The following TRPC6 variants were observed in gnomAD, a reference collection of about 807,000 sequenced individuals.
TRPC6 encodes transient receptor potential cation channel subfamily C member 6.
In TRPC6, 55 loss-of-function variants were observed where a neutral mutation model predicts 90.7. The ratio of observed to expected loss-of-function variants is 0.61; its 90% CI spans 0.49 to 0.76. The LOEUF is 0.76. TRPC6 is among the 30% of genes least tolerant of loss of function. The pLI, the probability that TRPC6 is intolerant of heterozygous loss-of-function variation, is 0.00. For synonymous variants in TRPC6, 393 were observed against 393.0 expected (o/e 1.00, Z 0.00); for missense variants, 989 against 1,122.7 (o/e 0.88, Z 1.70).
intron 1 of TRPC6, among the ~76,000 whole-genome samples, chr11:101,509,281 T>A (rs768847176): frequency 1.3e-4 from 20 of 152,080 alleles, no homozygotes; most frequent in Non-Finnish European, 2.2e-4. Context: ...GTATTTTTTT[T>A]ATAGATGGGG....
chr11:101,567,336 A>G (rs951653090), intron 1 of TRPC6, among the ~76,000 whole-genome samples: 1 of 124,276 alleles, frequency 8.0e-6, no homozygotes, highest in South Asian at 2.5e-4. Context: ...CTCCCTGGGC[A>G]GGGCATCTCT....
chr11:101,573,918 ATACG>A (rs1862016486), intron 1 of TRPC6, among the ~76,000 whole-genome samples: 2 of 79,036 alleles, frequency 2.5e-5, no homozygotes, highest in South Asian at 4.9e-4. Flanking sequence ...TAAGAAACAA[ATACG>A]TGTGTGTGTG....
chr11:101,514,238 C>T (rs1263238634), intron 1 of TRPC6, among the ~76,000 whole-genome samples: 1 of 151,520 alleles, frequency 6.6e-6, no homozygotes, highest in Non-Finnish European at 1.5e-5. Context: ...CTGTGCTAGG[C>T]ACATTGGGGG....
chr11:101,475,506 T>G lies in TRPC6; in HGVS notation c.1744+795A>C, dbSNP rs1859391559. Among the ~76,000 whole-genome samples the G allele has an allele frequency of 2.0e-5, 3 of 152,110 alleles. No individual in the cohort carries two copies. The South Asian group carries it at 6.2e-4, about 32-fold the overall frequency. On this transcript the variant is annotated intron_variant, in intron 6 of 12. Coordinates refer to ENST00000344327, the MANE Select transcript of TRPC6 (RefSeq NM_004621.6). ...TTAACTCTAGCCACTATACTGTATA[T>G]CTCCCTTATTATAAGCTTATTACAA...
chr11:101,549,346 T>A (rs1008017762), intron 1 of TRPC6, among the ~76,000 whole-genome samples: 2 of 151,594 alleles, frequency 1.3e-5, no homozygotes, highest in African/African-American at 2.4e-5. Context: ...AATAATTATT[T>A]ATATCCACAC....
intron 1 of TRPC6, among the ~76,000 whole-genome samples, chr11:101,577,502 G>A (rs1460666353): frequency 6.6e-6 from 1 of 152,118 alleles, no homozygotes; most frequent in Admixed American, 6.5e-5. Flanking sequence ...TAGGAAAGAA[G>A]GAGAATTTTA....
At chr11:101,578,458 T>G (rs559420645) in intron 1 of TRPC6, among the ~76,000 whole-genome samples, 1 of 152,296 alleles carries the variant, frequency 6.6e-6, no homozygotes, top group African/African-American at 2.4e-5. Context: ...ATGTGGGGGA[T>G]TTTACTTGTG....
At chr11:101,527,848 C>T (rs1167442345) in intron 1 of TRPC6, among the ~76,000 whole-genome samples, 2 of 151,712 alleles carry the variant, frequency 1.3e-5, no homozygotes, top group Non-Finnish European at 1.5e-5. Context: ...CCAAGGTGGG[C>T]GAATCATGAG....
chr11:101,577,969 T>G (rs1862107997), intron 1 of TRPC6, among the ~76,000 whole-genome samples: 1 of 150,630 alleles, frequency 6.6e-6, no homozygotes, highest in Non-Finnish European at 1.5e-5. Context: ...CATTCACTCT[T>G]CTGCCCAACT....
In TRPC6 at chr11:101,517,314, G is replaced by T. The variant is rs191489835; in HGVS notation, c.171-12516C>A. On this transcript the variant is annotated intron_variant, in intron 1 of 12. Transcript: ENST00000344327. Reference sequence around the variant, plus strand: ...TGTTTTGGTATAACATGAAAGAAAAGTTCTATTTTCCACGGACAAATTATT... The same window carrying T: ...TGTTTTGGTATAACATGAAAGAAAATTTCTATTTTCCACGGACAAATTATT... Among the ~76,000 whole-genome samples, 5 of 152,288 alleles carry T rather than the reference G, an allele frequency of 3.3e-5. 1 individual carries two copies. The highest frequency in any genetic ancestry group is 3.3e-4 in the Admixed American group (5 of 15,296).
chr11:101,486,334 A>G (rs534742619), intron 4 of TRPC6, among the ~76,000 whole-genome samples: 15 of 152,278 alleles, frequency 9.9e-5, no homozygotes, highest in Admixed American at 9.8e-4. Context: ...AAAAATAACT[A>G]TAAAGGAGGA....
intron 2 of TRPC6, among the ~76,000 whole-genome samples, chr11:101,502,223 A>G (rs1334137425): frequency 6.6e-6 from 1 of 152,152 alleles, no homozygotes; most frequent in African/African-American, 2.4e-5. Context: ...TGAAGAATTT[A>G]CATCCTGGTT....
intron 2 of TRPC6, among the ~76,000 whole-genome samples, chr11:101,500,044 CAATAT>C (rs1440486009): frequency 2.0e-5 from 2 of 101,372 alleles, no homozygotes; most frequent in East Asian, 4.4e-4. Context: ...TATATATATA[CAATAT>C]AAAATATGTG....
intron 1 of TRPC6, among the ~76,000 whole-genome samples, chr11:101,524,310 A>G (rs1173677633): frequency 6.6e-6 from 1 of 152,108 alleles, no homozygotes; most frequent in East Asian, 1.9e-4. Context: ...GTGCAGTGGC[A>G]CGATCTCGGC....
intron 1 of TRPC6, among the ~76,000 whole-genome samples, chr11:101,528,017 G>A (rs1392598793): frequency 2.0e-5 from 3 of 152,136 alleles, no homozygotes; most frequent in African/African-American, 4.8e-5. Flanking sequence ...AGGTTGCAAT[G>A]AGCCGAGATC....
intron 11 of TRPC6, among the ~76,000 whole-genome samples, chr11:101,454,619 T>G (rs1434263331): frequency 6.6e-6 from 1 of 151,510 alleles, no homozygotes; most frequent in Non-Finnish European, 1.5e-5. Context: ...TATATGCATT[T>G]TATAATAATA....
intron 1 of TRPC6, among the ~76,000 whole-genome samples, chr11:101,553,338 T>C (rs1323977761): frequency 1.3e-5 from 2 of 152,150 alleles, no homozygotes. Flanking sequence ...AATTTTTCTT[T>C]TGTTTCCTCC....
intron 1 of TRPC6, among the ~76,000 whole-genome samples, chr11:101,506,015 G>GAAA (rs34504825): frequency 5.1e-4 from 50 of 98,448 alleles, no homozygotes; most frequent in Admixed American, 2.6e-3. Flanking sequence ...CTATATCAAA[G>GAAA]AAAAAAAAAA....
At chr11:101,460,428 T>A (rs1404767964) in intron 10 of TRPC6, among the ~76,000 whole-genome samples, 1 of 152,222 alleles carries the variant, frequency 6.6e-6, no homozygotes, top group African/African-American at 2.4e-5. Flanking sequence ...TGTTATACTC[T>A]ACTGTTTTTT....
Sources: allele counts gnomAD v4.1 joint callset (sites outside exome capture counted in the v4.1 genomes callset), GRCh38; gene constraint gnomAD v4.1.1; transcripts MANE v1.5; gene names NCBI Gene and HGNC (gene_info 2026-07-23, HGNC 2026-07-21).